Variants in STRA8 observed in about 807,000 individuals in gnomAD.
STRA8 encodes stimulated by retinoic acid 8.
STRA8 carries 18 observed loss-of-function variants against 37.1 expected under a neutral mutation model. That is an observed-to-expected ratio of 0.48 (90% CI 0.34 to 0.72). The LOEUF is 0.72. Among genes scored for constraint, STRA8 ranks in the 30% least tolerant of loss-of-function variants. STRA8 has a pLI of 0.01. For missense variants in STRA8, 357 were observed against 410.4 expected (o/e 0.87, Z 1.13); for synonymous variants, 168 against 162.9 (o/e 1.03, Z -0.24).
intron 4 of STRA8, among the ~76,000 whole-genome samples, 173 bp downstream of exon 4, chr7:135,243,583 A>G (rs893812268): frequency 2.0e-5 from 3 of 152,198 alleles, no homozygotes; most frequent in African/African-American, 7.2e-5. Context: ...TATTCTAGCA[A>G]CATGCATCAA....
intron 6 of STRA8, among the ~76,000 whole-genome samples, chr7:135,250,874 G>A (rs1420646076): frequency 6.6e-6 from 1 of 152,212 alleles, no homozygotes; most frequent in African/African-American, 2.4e-5. Context: ...TCATGTAAGT[G>A]TAAATCATGT....
At chr7:135,258,135 G>C (rs563518615) in intron 8 of STRA8, among the ~76,000 whole-genome samples, 2 of 152,340 alleles carry the variant, frequency 1.3e-5, no homozygotes, top group East Asian at 3.9e-4. Context: ...GAGGTCCTCT[G>C]TCTCTCTTGT....
intron 6 of STRA8, among the ~76,000 whole-genome samples, chr7:135,249,081 A>C (rs969628583): frequency 2.6e-5 from 4 of 152,224 alleles, no homozygotes; most frequent in Non-Finnish European, 1.5e-5. Context: ...AAGAAAACGA[A>C]AGGAAAATAC....
chr7:135,249,438 G>T (rs574676508), intron 6 of STRA8, among the ~76,000 whole-genome samples: 1 of 152,272 alleles, frequency 6.6e-6, no homozygotes, highest in Admixed American at 6.5e-5. Context: ...ACAAAAATTA[G>T]CTGGGCGTGG....
At chr7:135,240,282 C>T (rs2117791439) in intron 1 of STRA8, among the ~76,000 whole-genome samples, 1 of 152,260 alleles carries the variant, frequency 6.6e-6, no homozygotes, top group East Asian at 1.9e-4. Context: ...TGTATAATCT[C>T]CATCTGCTTT....
At chr7:135,257,934 T>A (rs1832724496) in intron 8 of STRA8, among the ~76,000 whole-genome samples, 1 of 152,258 alleles carries the variant, frequency 6.6e-6, no homozygotes, top group African/African-American at 2.4e-5. Context: ...TTATATATTC[T>A]TTCAAACACA....
rs1383793946 is a variant in STRA8, at chr7:135,246,531, C to A, written c.708C>A (p.Asn236Lys). ...CGGCCATCTCCCACCTGTGGCAGAA[C>A]CTCTCGGAGGAGAGGAAGGCCAGCC... ...VSAAISHLWQ[N>K]LSEERKASLR... is the part of the protein sequence containing the mutation. Residue 236 changes from asparagine (N) to lysine (K), a missense_variant, in exon 6 of 9, where the codon AAC (asparagine) becomes AAA (lysine). Transcript: ENST00000662584. The surrounding 1 kb of genome is among the most constrained non-coding windows in gnomAD (Gnocchi z 5.4). 6.3e-7 allele frequency: 1 copy of A among 1,575,112 alleles called. No homozygotes were observed. Among genetic ancestry groups the A allele is most frequent in the Non-Finnish European group, 8.6e-7 (1 of 1,160,312 alleles).
At chr7:135,236,795 G>C (rs1195790980) in intron 1 of STRA8, among the ~76,000 whole-genome samples, 1 of 152,110 alleles carries the variant, frequency 6.6e-6, no homozygotes, top group East Asian at 1.9e-4. Context: ...CAGTGTCTCT[G>C]CCCATCCCCA....
chr7:135,255,078 G>T, intron 7 of STRA8, 36 bp from the exon 8 acceptor site: 2 of 1,527,346 alleles, frequency 1.3e-6, no homozygotes, highest in South Asian at 2.2e-5. Context: ...TCAGGATCCT[G>T]AATATTTGTT....
Position 135,246,237 on chromosome 7 carries a change from C to T in STRA8, c.594-180C>T. 3.8e-6 allele frequency: 3 copies of T among 798,184 alleles called. No individual in the cohort carries two copies. Among genetic ancestry groups the T allele is most frequent in the Non-Finnish European group, 3.9e-6 (2 of 508,330 alleles). The allele number at this position is 798,184 out of a possible 1,614,324, so 49.4% of individuals were successfully genotyped here. On this transcript the variant is annotated intron_variant, in intron 5 of 8. Transcript: ENST00000662584. The surrounding 1 kb of genome is among the most constrained non-coding windows in gnomAD (Gnocchi z 5.4). ...AAGCCCAAGTCTATGTCCTTCATGG[C>T]CCCCAGGAAGGCTGCTGCTCTCCAA...
chr7:135,240,743 G>A, intron 2 of STRA8, 27 bp downstream of exon 2: 3 of 1,608,986 alleles, frequency 1.9e-6, no homozygotes, highest in Admixed American at 1.7e-5. Flanking sequence ...GAGGAGAGGG[G>A]ACATCTCCAC....
At chr7:135,252,007 A>G (rs1832642553) in intron 7 of STRA8, 138 bp downstream of exon 7, 2 of 706,160 alleles carry the variant, frequency 2.8e-6, no homozygotes, top group Admixed American at 4.6e-5. Flanking sequence ...AGAGGGAGAG[A>G]GAGAGAGTGT....
intron 1 of STRA8, among the ~76,000 whole-genome samples, chr7:135,235,670 T>G (rs931888605): frequency 1.4e-4 from 21 of 152,126 alleles, no homozygotes; most frequent in Non-Finnish European, 2.9e-4. Context: ...TTGAACTCCT[T>G]ACCTCAGGTG....
At chr7:135,232,134 G>A (rs1832302527), upstream of STRA8, 8 of 1,084,550 alleles carry the variant, frequency 7.4e-6, 1 homozygote, top group East Asian at 1.9e-4. Flanking sequence ...CGGGAGGTGG[G>A]GTGACTACAT....
intron 1 of STRA8, among the ~76,000 whole-genome samples, chr7:135,239,890 T>A (rs1339941033): frequency 6.6e-6 from 1 of 152,198 alleles, no homozygotes; most frequent in Non-Finnish European, 1.5e-5. Flanking sequence ...TTCTTTTTTA[T>A]GTTTTTCCTT....
chr7:135,238,267 G>A (rs1334794352), intron 1 of STRA8, among the ~76,000 whole-genome samples: 1 of 152,212 alleles, frequency 6.6e-6, no homozygotes, highest in East Asian at 1.9e-4. Context: ...CAAGATGGAG[G>A]CCACGGCTCC....
rs1354882149 is a variant in STRA8 at position 135,233,889 on chromosome 7, G to A, written c.-21G>A. ...GCTGTCCCGGGAGTGGGGACGTCGC[G>A]TGCACCGTTGGCGAGTAAGTATCCT... On this transcript the variant is annotated 5_prime_UTR_variant, in exon 1 of 9. It adds an upstream start codon to the 5' untranslated region. Coordinates refer to ENST00000662584, the MANE Select transcript of STRA8 (RefSeq NM_001394401.1). 6.6e-6 allele frequency among the ~76,000 whole-genome samples: 1 copy of A among 152,170 alleles called. No homozygotes were observed. The highest frequency in any genetic ancestry group is 1.5e-5 in the Non-Finnish European group (1 of 68,040).
Position 135,242,021 on chromosome 7 carries a change from A to G in STRA8, c.193-760A>G, listed in dbSNP as rs571972553. Among the ~76,000 whole-genome samples the G allele has an allele frequency of 9.1e-5, 13 of 142,650 alleles. 1 individual carries two copies. Among genetic ancestry groups the G allele is most frequent in the African/African-American group, 3.4e-4 (13 of 38,328 alleles). The allele number at this position is 142,650 out of a possible 152,430, so 93.6% of individuals were successfully genotyped here. Reference sequence around the variant, plus strand: ...CATTTTGACTTTAATAATGTTACATACAGGAAGTAAGGAGGGAAGAAGGAA... The same window carrying G: ...CATTTTGACTTTAATAATGTTACATGCAGGAAGTAAGGAGGGAAGAAGGAA... On this transcript the variant is annotated intron_variant, in intron 2 of 8. Coordinates refer to ENST00000662584, the MANE Select transcript of STRA8 (RefSeq NM_001394401.1).
intron 4 of STRA8, among the ~76,000 whole-genome samples, chr7:135,244,538 A>AT (rs1384382118): frequency 6.6e-6 from 1 of 152,218 alleles, no homozygotes; most frequent in East Asian, 1.9e-4. Flanking sequence ...TTTTTAATAG[A>AT]TTGAGCTTTT....
Sources: gnomAD v4.1 joint callset for allele counts (sites outside exome capture counted in the v4.1 genomes callset) on GRCh38, gnomAD v4.1.1 for gene constraint, Gnocchi (gnomAD v3.1) non-coding constraint, MANE v1.5 for transcripts, NCBI Gene and HGNC (gene_info 2026-07-23, HGNC 2026-07-21) for gene names.